GMEB2: variants seen among roughly 807,000 people sequenced by gnomAD.
The protein encoded by GMEB2 is glucocorticoid modulatory element binding protein 2.
A neutral mutation model predicts 45.7 loss-of-function variants in GMEB2; 7 were observed. That is an observed-to-expected ratio of 0.15 (90% CI 0.09 to 0.29). The LOEUF (loss-of-function observed/expected upper bound fraction) is 0.29. Among genes scored for constraint, GMEB2 ranks in the 10% least tolerant of loss-of-function variants. The probability of loss-of-function intolerance (pLI) is 1.00; values close to 1 mark genes in which losing one functional copy is unlikely to be tolerated. For synonymous variants in GMEB2, 322 were observed against 323.6 expected, an observed-to-expected ratio of 1.00 and a Z score of 0.05; for missense variants, 582 against 739.2, an observed-to-expected ratio of 0.79 and a Z score of 2.47.
In GMEB2 at chr20:63,590,449, G is replaced by T. The variant is rs543144362; in HGVS notation, c.1233C>A (p.Gly411=). Residue 411 remains glycine (G), a synonymous_variant, in exon 10 of 10, where the codon GGC becomes GGA. Coordinates refer to ENST00000370077, the MANE Select transcript of GMEB2 (RefSeq NM_012384.5). ...CGGGGGGCGCCTGAAGGGAACCCTT[G>T]CCCAGGACGGTGGACGGCAGGGTGG... ...VVSTLPSTVL[G]KGSLQAPPAS... 7 of 1,531,396 alleles carry T rather than the reference G, an allele frequency of 4.6e-6. No individual in the cohort carries two copies. The Admixed American group carries it at 8.2e-5, about 18-fold the overall frequency. 94.9% of individuals were successfully genotyped at this position (1,531,396 alleles called of 1,614,324 possible). A position where few individuals can be genotyped will look rare whatever the true frequency, so the allele number is the denominator to read the frequency against.
chr20:63,596,437 A>C (rs2083201481), intron 5 of GMEB2, among the ~76,000 whole-genome samples: 3 of 152,210 alleles, frequency 2.0e-5, no homozygotes, highest in Admixed American at 1.3e-4. Context: ...AGCCTCATTC[A>C]ATCTTTGGGC....
rs138580436 is a variant in GMEB2, at chr20:63,595,650, C to T, written c.579G>A (p.Thr193=). 20 of 1,613,422 alleles carry T rather than the reference C, an allele frequency of 1.2e-5. No individual in the cohort carries two copies. Among genetic ancestry groups the T allele is most frequent in the African/African-American group, 2.7e-5 (2 of 74,928 alleles). The change falls in exon 6 of 10, where the codon ACG becomes ACA. Residue 193 remains threonine (T), a synonymous_variant. Coordinates refer to ENST00000370077, the MANE Select transcript of GMEB2 (RefSeq NM_012384.5). ...SGARVSLSSP[T]SAEYIPLTPA... is the part of the protein sequence containing the mutation. ...GCGTGAGGGGAATGTACTCGGCCGA[C>T]GTGGGGCTGCTCAGGGACACACGGG...
In GMEB2 at chr20:63,590,671, G is replaced by C. The variant is rs1277485217; in HGVS notation, c.1011C>G (p.Ser337=). The C allele has an allele frequency of 6.5e-7, 1 of 1,544,826 alleles. No homozygotes were observed. Among genetic ancestry groups the C allele is most frequent in the Non-Finnish European group, 8.7e-7 (1 of 1,143,798 alleles). Residue 337 remains serine (S), a synonymous_variant, in exon 10 of 10, where the codon TCC becomes TCG. Coordinates refer to ENST00000370077, the MANE Select transcript of GMEB2 (RefSeq NM_012384.5). ...TCATGAGCACGTTGCTGAGGTGCTG[G>C]GACTTGTGCTTCAGCTCCTTGGCTC... ...RRRAKELKHK[S]QHLSNVLMTL...
chr20:63,613,763 T>G (rs1458621538), intron 2 of GMEB2, among the ~76,000 whole-genome samples: 1 of 152,126 alleles, frequency 6.6e-6, no homozygotes, highest in African/African-American at 2.4e-5. Context: ...CCACCCACCC[T>G]GGCCTCCCAA....
At position 63,619,090 on chromosome 20, in the gene GMEB2, C is replaced by T. The variant is rs762515192; in HGVS notation, c.131+177G>A. 3.3e-5 allele frequency among the ~76,000 whole-genome samples: 5 copies of T among 152,202 alleles called. No individual in the cohort carries two copies. In the East Asian group the frequency reaches 5.8e-4, roughly 18 times the overall value. On this transcript the variant is annotated intron_variant, in intron 2 of 9. Coordinates refer to ENST00000370077, the MANE Select transcript of GMEB2 (RefSeq NM_012384.5). This position sits in a 1 kb window ranked among gnomAD's most constrained non-coding sequence, Gnocchi z 4.6. ...AGCTGCAGCTGGGTCTTCTGGTCCCCGTGCCATTTCTGCTTTTCTTCGCTC... is the reference window on the plus strand; with the variant it reads ...AGCTGCAGCTGGGTCTTCTGGTCCCTGTGCCATTTCTGCTTTTCTTCGCTC...
chr20:63,588,746 G>A lies in GMEB2; in HGVS notation c.*1343C>T, dbSNP rs955184825. On this transcript the variant is annotated 3_prime_UTR_variant, in exon 10 of 10. Transcript: ENST00000370077. The stretch of plus-strand genomic sequence containing the variant: ...CTTCAACTGCCGACAGAATCAGCAG[G>A]AGCGTCCAGGGGAATCTGGCACTCA... 2.5e-6 allele frequency: 1 copy of A among 398,576 alleles called. No homozygotes were observed. Among genetic ancestry groups the A allele is most frequent in the Non-Finnish European group, 4.4e-6 (1 of 226,116 alleles). The allele number at this position is 398,576 out of a possible 1,614,324, so 24.7% of individuals were successfully genotyped here. A position where few individuals can be genotyped will look rare whatever the true frequency, so the allele number is the denominator to read the frequency against.
Position 63,589,258 on chromosome 20 carries a change from C to A in GMEB2, c.*831G>T. On this transcript the variant is annotated 3_prime_UTR_variant, in exon 10 of 10. Transcript: ENST00000370077. ...GCTGCCCAGGACCTCCGCACCCGGT[C>A]AAGTGCACTCACAGGGGCTCAGGGG... The A allele has an allele frequency of 5.0e-6, 2 of 398,750 alleles. No homozygotes were observed. The highest frequency in any genetic ancestry group is 2.7e-4 in the South Asian group (2 of 7,332). 24.7% of individuals were successfully genotyped at this position (398,750 alleles called of 1,614,324 possible). A position where few individuals can be genotyped will look rare whatever the true frequency, so the allele number is the denominator to read the frequency against.
At chr20:63,594,726 C>T (rs1164533107) in intron 6 of GMEB2, among the ~76,000 whole-genome samples, 1 of 152,106 alleles carries the variant, frequency 6.6e-6, no homozygotes, top group African/African-American at 2.4e-5. Context: ...GACCAGGGAG[C>T]CCAGGACCTA....
chr20:63,616,014 AT>A (rs1463905162), intron 2 of GMEB2, among the ~76,000 whole-genome samples: 3 of 152,276 alleles, frequency 2.0e-5, no homozygotes, highest in African/African-American at 7.2e-5. Flanking sequence ...GCTTATCAGT[AT>A]TTTCTAATTT....
chr20:63,622,048 A>T (rs1166437993), intron 1 of GMEB2, among the ~76,000 whole-genome samples: 1 of 151,640 alleles, frequency 6.6e-6, no homozygotes, highest in East Asian at 2.0e-4. Context: ...AGGATCACTT[A>T]AGCCCAGGAG....
Position 63,592,793 on chromosome 20 carries a change from C to T in GMEB2, c.692-123G>A. The T allele has an allele frequency of 1.1e-6, 1 of 876,020 alleles. No individual in the cohort carries two copies. 54.3% of individuals were successfully genotyped at this position (876,020 alleles called of 1,614,324 possible). ...ATGCCAGAGCCGGCAGCGCCTGGCACTGTGCTGGGCTTGCACTGCCCAGAC... is the reference window on the plus strand; with the variant it reads ...ATGCCAGAGCCGGCAGCGCCTGGCATTGTGCTGGGCTTGCACTGCCCAGAC... On this transcript the variant is annotated intron_variant, in intron 7 of 9. Transcript: ENST00000370077. This position sits in a 1 kb window ranked among gnomAD's most constrained non-coding sequence, Gnocchi z 8.2.
Position 63,592,002 on chromosome 20 carries a change from C to T in GMEB2, c.952+20G>A, listed in dbSNP as rs761468845. The T allele has an allele frequency of 4.0e-5, 64 of 1,599,718 alleles. No individual in the cohort carries two copies. The highest frequency in any genetic ancestry group is 5.0e-5 in the Non-Finnish European group (59 of 1,175,194). ...TCAGCCTACCGCCCAGGGGACGGGACGGGGGTGGTCTCAGCATACCTGCCA... is the reference window on the plus strand; with the variant it reads ...TCAGCCTACCGCCCAGGGGACGGGATGGGGGTGGTCTCAGCATACCTGCCA... On this transcript the variant is annotated intron_variant, in intron 9 of 9. Transcript: ENST00000370077. The surrounding 1 kb of genome is among the most constrained non-coding windows in gnomAD (Gnocchi z 8.2).
At chr20:63,601,926 CTGTG>C (rs2083244996) in intron 4 of GMEB2, among the ~76,000 whole-genome samples, 1 of 150,596 alleles carries the variant, frequency 6.6e-6, no homozygotes, top group Admixed American at 6.6e-5. Flanking sequence ...CCTGTGGCTT[CTGTG>C]CTGCCTGTGG....
In GMEB2 at chr20:63,589,094, A is replaced by C; in HGVS notation, c.*995T>G. 2 of 399,092 alleles carry C rather than the reference A, an allele frequency of 5.0e-6. No homozygotes were observed. Among genetic ancestry groups the C allele is most frequent in the Non-Finnish European group, 8.8e-6 (2 of 226,364 alleles). The allele number at this position is 399,092 out of a possible 1,614,324, so 24.7% of individuals were successfully genotyped here. On this transcript the variant is annotated 3_prime_UTR_variant, in exon 10 of 10. Coordinates refer to ENST00000370077, the MANE Select transcript of GMEB2 (RefSeq NM_012384.5). The stretch of plus-strand genomic sequence containing the variant: ...GCCAAGGGCTGTTCCGTGGCCAAGC[A>C]GCCCAAGCTGAAGGGCCCACATGGG...
chr20:63,604,710 A>G, intron 3 of GMEB2, 33 bp downstream of exon 3: 1 of 1,172,246 alleles, frequency 8.5e-7, no homozygotes, highest in Non-Finnish European at 1.3e-6. Context: ...CTGCGGCAAG[A>G]AGGCAGACTT....
intron 2 of GMEB2, among the ~76,000 whole-genome samples, chr20:63,613,048 G>GC (rs920071252): frequency 6.6e-6 from 1 of 150,808 alleles, no homozygotes; most frequent in African/African-American, 2.4e-5. Flanking sequence ...TGCAAGCTCT[G>GC]CCCCCCGGAT....
At chr20:63,608,900 C>T (rs1215714086) in intron 2 of GMEB2, among the ~76,000 whole-genome samples, 35 of 35,136 alleles carry the variant, frequency 1.0e-3, no homozygotes, top group East Asian at 4.6e-3. Flanking sequence ...GCCCCTCTGA[C>T]CTCACCTCCA....
In GMEB2 at chr20:63,619,695, A is replaced by G. The variant is rs2089632791; in HGVS notation, c.-57-241T>C. The G allele has an allele frequency of 4.3e-6, 1 of 230,708 alleles. No homozygotes were observed. The highest frequency in any genetic ancestry group is 8.6e-6 in the Non-Finnish European group (1 of 116,574). 14.3% of individuals were successfully genotyped at this position (230,708 alleles called of 1,614,324 possible). On this transcript the variant is annotated intron_variant, in intron 1 of 9. Coordinates refer to ENST00000370077, the MANE Select transcript of GMEB2 (RefSeq NM_012384.5). This position sits in a 1 kb window ranked among gnomAD's most constrained non-coding sequence, Gnocchi z 4.6. Reference sequence around the variant, plus strand: ...CGAAACCCTTGGGTAGAAAGCACAGAGCCACTCCCTCCACGTGGGGCTCAG... The same window carrying G: ...CGAAACCCTTGGGTAGAAAGCACAGGGCCACTCCCTCCACGTGGGGCTCAG...
intron 5 of GMEB2, among the ~76,000 whole-genome samples, 159 bp from the exon 6 acceptor site, chr20:63,595,926 G>A (rs1056669990): frequency 8.5e-5 from 13 of 152,236 alleles, no homozygotes; most frequent in South Asian, 2.1e-4. Context: ...CTCTTAGCGC[G>A]AGCTCGGCGT....
Sources: allele counts gnomAD v4.1 joint callset (sites outside exome capture counted in the v4.1 genomes callset), GRCh38; gene constraint gnomAD v4.1.1; non-coding constraint Gnocchi (gnomAD v3.1); transcripts MANE v1.5; gene names NCBI Gene and HGNC (gene_info 2026-07-23, HGNC 2026-07-21).